Variants in ABCA8 observed in about 807,000 individuals in gnomAD.
ABCA8 encodes the protein ATP binding cassette subfamily A member 8.
A neutral mutation model predicts 192.3 loss-of-function variants in ABCA8; 177 were observed. That is an observed-to-expected ratio of 0.92 (90% CI 0.81 to 1.04). ABCA8 has a LOEUF of 1.04. ABCA8 is among the 50% of genes least tolerant of loss of function. The pLI, the probability that ABCA8 is intolerant of heterozygous loss-of-function variation, is 0.00. For synonymous variants in ABCA8, 642 were observed against 690.2 expected (o/e 0.93, Z 1.09); for missense variants, 1,915 against 1,904.8 (o/e 1.01, Z -0.10).
At chr17:68,910,506 G>A (rs539403475) in intron 17 of ABCA8, among the ~76,000 whole-genome samples, 1 of 152,214 alleles carries the variant, frequency 6.6e-6, no homozygotes, top group South Asian at 2.1e-4. Context: ...AATAAACGTA[G>A]GACCACAGGG....
rs1195088247 is a variant in ABCA8, at chr17:68,903,298, TAC to T, written c.2597+1_2597+2del. On this transcript the variant is annotated splice_donor_variant, in intron 20 of 39. Transcript: ENST00000586539. LOFTEE classifies it high-confidence loss of function. ...GAAAACCTATGGCAACTCTGATACTTACAGTGCTAAAAGAGCTTTTCTTTCAT... is the reference window on the plus strand; with the variant it reads ...GAAAACCTATGGCAACTCTGATACTTAGTGCTAAAAGAGCTTTTCTTTCAT... 2 of 1,614,094 alleles carry T rather than the reference TAC, an allele frequency of 1.2e-6. No homozygotes were observed. Among genetic ancestry groups the T allele is most frequent in the Non-Finnish European group, 1.7e-6 (2 of 1,180,006 alleles).
intron 32 of ABCA8, 91 bp from the exon 33 acceptor site, chr17:68,877,770 A>G: frequency 3.0e-6 from 4 of 1,350,798 alleles, no homozygotes; most frequent in East Asian, 2.4e-5. Flanking sequence ...ACCTAGAAAA[A>G]CTAGAGAAAC....
chr17:68,869,782 G>C lies in ABCA8; in HGVS notation c.4632-3C>G. ...TATAAACCATCAGAGAGGAGTACCT[G>C]AGAGAAAAGGAGAGGTAAGAAGAGT... On this transcript the variant is annotated splice_region_variant and splice_polypyrimidine_tract_variant and intron_variant, in intron 37 of 39. Transcript: ENST00000586539. 1.3e-6 allele frequency: 2 copies of C among 1,598,816 alleles called. No homozygotes were observed. Among genetic ancestry groups the C allele is most frequent in the Non-Finnish European group, 1.7e-6 (2 of 1,166,358 alleles).
At chr17:68,917,340 A>C (rs749146949) in intron 17 of ABCA8, 21 bp downstream of exon 17, 1 of 1,519,304 alleles carries the variant, frequency 6.6e-7, no homozygotes, top group Non-Finnish European at 9.1e-7. Context: ...ATCTACTCCC[A>C]GCCTTCTTAA....
chr17:68,889,807 C>T (rs1449812906), intron 24 of ABCA8, among the ~76,000 whole-genome samples: 1 of 152,092 alleles, frequency 6.6e-6, no homozygotes, highest in Non-Finnish European at 1.5e-5. Context: ...ATTAAAGGTA[C>T]CTAATTATTT....
chr17:68,937,253 T>A, intron 4 of ABCA8, 138 bp from the exon 5 acceptor site: 2 of 726,496 alleles, frequency 2.8e-6, no homozygotes, highest in Non-Finnish European at 4.2e-6. Flanking sequence ...AAAGTTAGAC[T>A]AAAATGTTGG....
rs919444712 is a variant in ABCA8 at position 68,883,976 on chromosome 17, A to G, written c.3616-94T>C. On this transcript the variant is annotated intron_variant, in intron 28 of 39. Transcript: ENST00000586539. Reference sequence around the variant, plus strand: ...ATAATAACCGAACTTCTAAAAAAATACATTCAGTGAAATAATTACAAACTC... The same window carrying G: ...ATAATAACCGAACTTCTAAAAAAATGCATTCAGTGAAATAATTACAAACTC... 1.3e-5 allele frequency: 10 copies of G among 793,756 alleles called. No individual in the cohort carries two copies. The African/African-American group carries it at 1.8e-4, about 14-fold the overall frequency. 49.2% of individuals were successfully genotyped at this position (793,756 alleles called of 1,614,324 possible). A position where few individuals can be genotyped will look rare whatever the true frequency, so the allele number is the denominator to read the frequency against.
chr17:68,903,561 C>T, intron 19 of ABCA8, 62 bp from the exon 20 acceptor site: 1 of 1,523,862 alleles, frequency 6.6e-7, no homozygotes. Context: ...GAGATTGGCT[C>T]TGCTAAGCAT....
chr17:68,939,424 C>G (rs2143753178), intron 4 of ABCA8, among the ~76,000 whole-genome samples: 1 of 152,108 alleles, frequency 6.6e-6, no homozygotes, highest in South Asian at 2.1e-4. Flanking sequence ...ACCGCATATC[C>G]CCTATCCAAA....
At chr17:68,919,652 C>T in intron 13 of ABCA8, 176 bp from the exon 14 acceptor site, 1 of 570,942 alleles carries the variant, frequency 1.8e-6, no homozygotes, top group South Asian at 2.7e-5. Context: ...CAGCTTTTCC[C>T]ATCAAGGTGT....
At chr17:68,951,825 A>G (rs1370336398) in intron 1 of ABCA8, among the ~76,000 whole-genome samples, 2 of 152,202 alleles carry the variant, frequency 1.3e-5, no homozygotes. Context: ...ATAAAAAACT[A>G]TCAATGCATT....
At chr17:68,872,525 T>C (rs1316125604) in intron 37 of ABCA8, among the ~76,000 whole-genome samples, 1 of 150,862 alleles carries the variant, frequency 6.6e-6, no homozygotes, top group Non-Finnish European at 1.5e-5. Context: ...CATGTATACA[T>C]ATGTAACTAA....
intron 30 of ABCA8, among the ~76,000 whole-genome samples, chr17:68,882,396 T>A (rs375307667): frequency 2.6e-5 from 4 of 152,226 alleles, no homozygotes; most frequent in Admixed American, 1.3e-4. Context: ...TTCTTGGCTT[T>A]AATAATTTCT....
intron 24 of ABCA8, 56 bp from the exon 25 acceptor site, chr17:68,887,562 G>A: frequency 1.4e-6 from 2 of 1,445,820 alleles, no homozygotes; most frequent in East Asian, 2.3e-5. Context: ...TGTGGATTAT[G>A]CAAGGAACTA....
At chr17:68,907,645 G>A in intron 18 of ABCA8, 95 bp downstream of exon 18, 7 of 1,156,076 alleles carry the variant, frequency 6.1e-6, no homozygotes, top group Non-Finnish European at 7.0e-6. Flanking sequence ...TGAGCATACT[G>A]TAAGACATTG....
chr17:68,894,060 A>T (rs1268966260), intron 23 of ABCA8, 113 bp downstream of exon 23: 2 of 1,146,684 alleles, frequency 1.7e-6, no homozygotes, highest in Non-Finnish European at 2.6e-6. Flanking sequence ...TCCAAATGTT[A>T]ATTTATTATG....
intron 31 of ABCA8, 146 bp from the exon 32 acceptor site, chr17:68,881,357 C>T (rs2066331225): frequency 1.6e-6 from 1 of 638,310 alleles, no homozygotes; most frequent in East Asian, 2.8e-5. Context: ...TTATTTTAGC[C>T]CCTTCTTATG....
rs148591154 is a variant in ABCA8, at chr17:68,896,811, A to G, written c.2765-1798T>C. ...AATAAGGAAACAATAAAAAAATTGT[A>G]TGCTGAGGTTGTTAAGATCTACTCT... On this transcript the variant is annotated intron_variant, in intron 21 of 39. Transcript: ENST00000586539. Among the ~76,000 whole-genome samples the G allele has an allele frequency of 3.8e-3, 577 of 152,334 alleles. 5 individuals carry two copies. The highest frequency in any genetic ancestry group is 6.6e-3 in the Admixed American group (101 of 15,298).
intron 31 of ABCA8, 53 bp from the exon 32 acceptor site, chr17:68,881,264 G>A: frequency 2.4e-6 from 3 of 1,234,222 alleles, no homozygotes; most frequent in Non-Finnish European, 3.5e-6. Flanking sequence ...AACATTAAGA[G>A]TAAAACATAG....
Sources: gnomAD v4.1 joint callset for allele counts (sites outside exome capture counted in the v4.1 genomes callset) on GRCh38, gnomAD v4.1.1 for gene constraint, MANE v1.5 for transcripts, NCBI Gene and HGNC (gene_info 2026-07-23, HGNC 2026-07-21) for gene names.